Variants in AKAP1 observed in about 807,000 individuals in gnomAD.
AKAP1 encodes A-kinase anchor protein 1, mitochondrial.
AKAP1 carries 32 observed loss-of-function variants against 79.8 expected under a neutral mutation model. That is an observed-to-expected ratio of 0.40 (90% CI 0.30 to 0.54). AKAP1 has a LOEUF of 0.54. Ranked by LOEUF, AKAP1 falls within the 20% of genes least tolerant of loss-of-function variation. AKAP1 has a pLI of 0.47. For missense variants in AKAP1, 961 were observed against 1,138.9 expected (o/e 0.84, Z 2.25); for synonymous variants, 416 against 466.7 (o/e 0.89, Z 1.40).
Position 57,106,800 on chromosome 17 carries a change from C to T in AKAP1, c.1336C>T (p.Pro446Ser), listed in dbSNP as rs199551167. 1.9e-5 allele frequency: 31 copies of T among 1,614,130 alleles called. No homozygotes were observed. Among genetic ancestry groups the T allele is most frequent in the Non-Finnish European group, 2.5e-5 (29 of 1,180,038 alleles). Residue 446 changes from proline to serine, a missense_variant, in exon 2 of 11, where the codon CCC (proline) becomes TCC (serine). By Grantham distance (74) the Pro-to-Ser change is moderately conservative. Around this residue, in one of 3 missense-constraint regions of AKAP1, gnomAD observed 629 missense variants for 781.1 expected, o/e 0.81. Transcript: ENST00000337714. ...VSCLKSLLSS[P>S]TKDSKPNISA... Reference sequence around the variant, plus strand: ...CTGCCTGAAGAGCCTTCTGTCCAGCCCCACCAAGGACAGTAAGCCAAATAT... The same window carrying T: ...CTGCCTGAAGAGCCTTCTGTCCAGCTCCACCAAGGACAGTAAGCCAAATAT...
intron 1 of AKAP1, chr17:57,096,273 G>A (rs1289606219): frequency 6.6e-6 from 1 of 152,244 alleles, no homozygotes; most frequent in East Asian, 1.9e-4. Context: ...ACCTGGTAGT[G>A]GATTCAGGGT....
At chr17:57,098,927 A>T (rs1445158075) in intron 1 of AKAP1, among the ~76,000 whole-genome samples, 1 of 146,868 alleles carries the variant, frequency 6.8e-6, no homozygotes, top group African/African-American at 2.5e-5. Context: ...AAGCCCCGCT[A>T]TTTTTTTTTT....
At chr17:57,108,634 G>A (rs1915044579) in intron 2 of AKAP1, among the ~76,000 whole-genome samples, 1 of 152,202 alleles carries the variant, frequency 6.6e-6, no homozygotes, top group South Asian at 2.1e-4. Flanking sequence ...TACTGTCCAC[G>A]AGCATGCGGT....
At chr17:57,100,428 A>AACACACACACACACACAC (rs71363890) in intron 1 of AKAP1, among the ~76,000 whole-genome samples, 77 of 149,802 alleles carry the variant, frequency 5.1e-4, no homozygotes, top group African/African-American at 1.8e-3. Flanking sequence ...TCTCTGCTAA[A>AACACACACACACACACAC]ACACACACAC....
In AKAP1 at chr17:57,105,929, A is replaced by G. The variant is rs949894027; in HGVS notation, c.465A>G (p.Val155=). The change falls in exon 2 of 11, where the codon GTA becomes GTG. Residue 155 remains valine (V), a synonymous_variant. Transcript: ENST00000337714. ...GCCCCCTTTCATCCCCAAAGGGTGTACTATTCTCCAGCAAATCAGCTGAGG... is the reference window on the plus strand; with the variant it reads ...GCCCCCTTTCATCCCCAAAGGGTGTGCTATTCTCCAGCAAATCAGCTGAGG... ...LECPLSSPKG[V]LFSSKSAEVC... is the part of the protein sequence containing the mutation. 2 of 1,614,090 alleles carry G rather than the reference A, an allele frequency of 1.2e-6. No homozygotes were observed. The highest frequency in any genetic ancestry group is 1.3e-5 in the African/African-American group (1 of 74,936).
rs3054874 is a variant in AKAP1 at position 57,119,830 on chromosome 17, CTTTTT to C, written c.2638-404_2638-400del. On this transcript the variant is annotated intron_variant, in intron 10 of 10. Coordinates refer to ENST00000337714, the MANE Select transcript of AKAP1 (RefSeq NM_003488.4). ...AAGCCATGTCCCCCACCCTGTTACT[CTTTTT>C]TTTTTTTTTTTTTTTGAGACAGTCT... Among the ~76,000 whole-genome samples the C allele has an allele frequency of 1.7e-4, 12 of 70,290 alleles. 1 individual carries two copies. Among genetic ancestry groups the C allele is most frequent in the Non-Finnish European group, 3.0e-4 (12 of 39,770 alleles). The allele number at this position is 70,290 out of a possible 152,430, so 46.1% of individuals were successfully genotyped here.
Position 57,114,515 on chromosome 17 carries a change from C to G in AKAP1, c.2160C>G (p.Ala720=), listed in dbSNP as rs61731971. 10 of 1,614,058 alleles carry G rather than the reference C, an allele frequency of 6.2e-6. No homozygotes were observed. The East Asian group carries it at 2.0e-4, about 32-fold the overall frequency. ...VEVIVVNQVN[A]GHLFVQQHTH... ...TCATTGTGGTCAACCAGGTCAATGC[C>G]GGGCACCTGTTCGTGCAGCAGCACA... The change falls in exon 6 of 11, where the codon GCC becomes GCG. Residue 720 remains alanine, a synonymous_variant. Transcript: ENST00000337714.
chr17:57,106,544 C>T lies in AKAP1; in HGVS notation c.1080C>T (p.Thr360=), dbSNP rs755343638. The change falls in exon 2 of 11, where the codon ACC becomes ACT. Residue 360 remains threonine (T), a synonymous_variant. Transcript: ENST00000337714. The stretch of plus-strand genomic sequence containing the variant: ...TCTCCCAAGTGATCTCAGAAGCAAC[C>T]GAACAGGTGCTGGCCACCACGGTTG... ...QIISQVISEA[T]EQVLATTVGK... 93 of 1,614,048 alleles carry T rather than the reference C, an allele frequency of 5.8e-5. No individual in the cohort carries two copies. Among genetic ancestry groups the T allele is most frequent in the Non-Finnish European group, 7.5e-5 (88 of 1,180,036 alleles).
chr17:57,104,637 C>T (rs1021392332), intron 1 of AKAP1, among the ~76,000 whole-genome samples: 1 of 152,244 alleles, frequency 6.6e-6, no homozygotes, highest in Non-Finnish European at 1.5e-5. Context: ...CCGTTGTTCA[C>T]CCTTGTGATA....
At chr17:57,119,225 G>A (rs924099981) in intron 10 of AKAP1, among the ~76,000 whole-genome samples, 181 bp downstream of exon 10, 3 of 152,130 alleles carry the variant, frequency 2.0e-5, no homozygotes, top group Admixed American at 6.5e-5. Flanking sequence ...CCTCTAGTGG[G>A]TAGAGGCCAA....
intron 1 of AKAP1, chr17:57,095,198 G>C (rs1980749373): frequency 6.6e-6 from 1 of 152,184 alleles, no homozygotes; most frequent in South Asian, 2.1e-4. Flanking sequence ...GTGTCACTCT[G>C]TTGCCCAGGT....
chr17:57,115,506 G>A (rs1915526416), intron 6 of AKAP1, among the ~76,000 whole-genome samples: 1 of 152,146 alleles, frequency 6.6e-6, no homozygotes, highest in Non-Finnish European at 1.5e-5. Context: ...GTGCTGCTGG[G>A]AACGTTTACC....
chr17:57,118,161 A>C (rs927524867), intron 8 of AKAP1, among the ~76,000 whole-genome samples: 2 of 152,178 alleles, frequency 1.3e-5, no homozygotes, highest in Admixed American at 1.3e-4. Context: ...TCTGTGCTGC[A>C]CCAGTGGGCA....
At position 57,102,577 on chromosome 17, in the gene AKAP1, C is replaced by T. The variant is rs181236603; in HGVS notation, c.-24-2864C>T. On this transcript the variant is annotated intron_variant, in intron 1 of 10. Coordinates refer to ENST00000337714, the MANE Select transcript of AKAP1 (RefSeq NM_003488.4). ...GCCTCCCGGGTTCAAGTGATTCTCCCGCTCAGCCTCCCGAGTAGCTGGGAG... is the reference window on the plus strand; with the variant it reads ...GCCTCCCGGGTTCAAGTGATTCTCCTGCTCAGCCTCCCGAGTAGCTGGGAG... 4.7e-4 allele frequency among the ~76,000 whole-genome samples: 72 copies of T among 151,756 alleles called. 1 individual carries two copies. Among genetic ancestry groups the T allele is most frequent in the Admixed American group, 3.3e-3 (51 of 15,248 alleles).
intron 2 of AKAP1, among the ~76,000 whole-genome samples, chr17:57,107,655 T>C (rs1914980059): frequency 6.6e-6 from 1 of 152,166 alleles, no homozygotes; most frequent in Admixed American, 6.5e-5. Flanking sequence ...TTTTCTTTTT[T>C]AAACACTAAC....
chr17:57,103,921 C>T (rs912557471), intron 1 of AKAP1, among the ~76,000 whole-genome samples: 1 of 152,156 alleles, frequency 6.6e-6, no homozygotes, highest in African/African-American at 2.4e-5. Context: ...TTGCCTTCTT[C>T]TAGGCCCTTA....
At chr17:57,101,147 G>C (rs1052068704) in intron 1 of AKAP1, among the ~76,000 whole-genome samples, 1 of 152,302 alleles carries the variant, frequency 6.6e-6, no homozygotes. Flanking sequence ...GCAAATACAA[G>C]GCAAATCTCC....
intron 3 of AKAP1, 100 bp downstream of exon 3, chr17:57,110,258 A>G: frequency 6.7e-6 from 10 of 1,498,276 alleles, no homozygotes; most frequent in South Asian, 1.3e-5. Flanking sequence ...GGAGAGGGAC[A>G]GTAAACCAGA....
chr17:57,119,439 T>C (rs975955165), intron 10 of AKAP1, among the ~76,000 whole-genome samples: 1 of 152,026 alleles, frequency 6.6e-6, no homozygotes. Context: ...CCTGGCCAGG[T>C]ACAGTGGCTC....
Sources: allele counts gnomAD v4.1 joint callset (sites outside exome capture counted in the v4.1 genomes callset), GRCh38; gene constraint gnomAD v4.1.1; regional missense constraint gnomAD v4.1.1; transcripts MANE v1.5; gene names NCBI Gene and HGNC (gene_info 2026-07-23, HGNC 2026-07-21).